The following ACADS variants were observed in gnomAD, a reference collection of about 807,000 sequenced individuals.
ACADS encodes the protein acyl-CoA dehydrogenase short chain.
A neutral mutation model predicts 46.8 loss-of-function variants in ACADS; 28 were observed. The observed-to-expected ratio is 0.60, with a 90% CI of 0.44 to 0.82. The LOEUF is 0.82. ACADS is among the 40% of genes least tolerant of loss of function. The pLI is 0.00. For missense variants in ACADS, 528 were observed against 578.0 expected (o/e 0.91, Z 0.89); for synonymous variants, 236 against 237.7 (o/e 0.99, Z 0.07).
Position 120,727,159 on chromosome 12 carries a change from G to A in ACADS, c.180G>A (p.Val60=). 1 of 1,614,206 alleles carries A rather than the reference G, an allele frequency of 6.2e-7. No individual in the cohort carries two copies. Among genetic ancestry groups the A allele is most frequent in the African/African-American group, 1.3e-5 (1 of 75,058 alleles). ...EKELFPIAAQ[V]DKEHLFPAAQ... is the part of the protein sequence containing the mutation. Reference sequence around the variant, plus strand: ...AGTTGTTTCCCATTGCAGCCCAGGTGGATAAGGAACATCTCTTCCCAGCGG... The same window carrying A: ...AGTTGTTTCCCATTGCAGCCCAGGTAGATAAGGAACATCTCTTCCCAGCGG... Residue 60 remains valine (V), a synonymous_variant, in exon 2 of 10, where the codon GTG becomes GTA. Transcript: ENST00000242592.
chr12:120,737,985 C>T lies in ACADS; in HGVS notation c.621C>T (p.Asn207=). 1 of 1,613,896 alleles carries T rather than the reference C, an allele frequency of 6.2e-7. No individual in the cohort carries two copies. Among genetic ancestry groups the T allele is most frequent in the Non-Finnish European group, 8.5e-7 (1 of 1,180,038 alleles). Residue 207 remains asparagine (N), a synonymous_variant, in exon 5 of 10, where the codon AAC becomes AAT. Coordinates refer to ENST00000242592, the MANE Select transcript of ACADS (RefSeq NM_000017.4). The stretch of plus-strand genomic sequence containing the variant: ...CCAGCACGGACAGAGCCCTGCAAAA[C>T]AAGGTGGGCCCACCCAGAGAGGGGT... ...VFASTDRALQ[N]KGISAFLVPM...
chr12:120,738,017 G>A (rs374777584), intron 5 of ACADS, 29 bp downstream of exon 5: 23 of 1,612,552 alleles, frequency 1.4e-5, no homozygotes, highest in East Asian at 4.5e-5. Flanking sequence ...GGGTTCAGCC[G>A]GATCCTGGGC....
rs571693438 is a variant in ACADS, at chr12:120,726,029, C to G, written c.46+98C>G. 231 of 1,253,874 alleles carry G rather than the reference C, an allele frequency of 1.8e-4. 4 individuals carry two copies. The South Asian group carries it at 3.4e-3, about 18-fold the overall frequency. The allele number at this position is 1,253,874 out of a possible 1,614,324, so 77.7% of individuals were successfully genotyped here. A position where few individuals can be genotyped will look rare whatever the true frequency, so the allele number is the denominator to read the frequency against. ...CGGCTCTGTCAGAGCCGCTGGCAGG[C>G]GGAGCCCCACTCCGGGAGCGCTCAC... On this transcript the variant is annotated intron_variant, in intron 1 of 9. Coordinates refer to ENST00000242592, the MANE Select transcript of ACADS (RefSeq NM_000017.4).
chr12:120,725,966 AGCCCGCGTCTG>A, intron 1 of ACADS, 35 bp downstream of exon 1: 1 of 1,512,182 alleles, frequency 6.6e-7, no homozygotes, highest in Non-Finnish European at 8.8e-7. Context: ...GCGGGGCTTC[AGCCCGCGTCTG>A]GCCCAGCGGG....
In ACADS at chr12:120,725,838, C is replaced by A. The variant is rs758607578; in HGVS notation, c.-48C>A. ...CCCGCCCCCCAGCACTCCGGAACAG[C>A]GCGCTCGCAGCGGGAGGTCGCGAAG... On this transcript the variant is annotated 5_prime_UTR_variant, in exon 1 of 10. Transcript: ENST00000242592. The A allele has an allele frequency of 2.6e-6, 4 of 1,522,288 alleles. No homozygotes were observed. The highest frequency in any genetic ancestry group is 8.8e-7 in the Non-Finnish European group (1 of 1,140,546). 94.3% of individuals were successfully genotyped at this position (1,522,288 alleles called of 1,614,324 possible).
chr12:120,734,972 G>C (rs1250491472), intron 2 of ACADS, among the ~76,000 whole-genome samples: 1 of 150,996 alleles, frequency 6.6e-6, no homozygotes, highest in African/African-American at 2.4e-5. Flanking sequence ...GGCTGGTCTC[G>C]AACTCCTGGC....
chr12:120,732,945 T>C (rs1883307689), intron 2 of ACADS, among the ~76,000 whole-genome samples: 1 of 152,178 alleles, frequency 6.6e-6, no homozygotes, highest in Non-Finnish European at 1.5e-5. Context: ...GAGCACTGAG[T>C]GAACGAGACT....
rs1419266576 is a variant in ACADS at position 120,737,387 on chromosome 12, G to C, written c.392G>C (p.Gly131Ala). Residue 131 changes from glycine (G) to alanine (A), a missense_variant, in exon 4 of 10, where the codon GGC becomes GCC. By Grantham distance (60) the Gly-to-Ala change is moderately conservative. Coordinates refer to ENST00000242592, the MANE Select transcript of ACADS (RefSeq NM_000017.4). ...TACCTGGGGCCCATCTTGAAGTTTG[G>C]CTCCAAGGAGCAGAAGCAGGCGTGG... ...SLYLGPILKF[G>A]SKEQKQAWVT... 2 of 1,614,032 alleles carry C rather than the reference G, an allele frequency of 1.2e-6. 1 individual carries two copies. Among genetic ancestry groups the C allele is most frequent in the Non-Finnish European group, 1.7e-6 (2 of 1,180,040 alleles).
intron 2 of ACADS, among the ~76,000 whole-genome samples, chr12:120,730,286 A>G (rs989949576): frequency 3.3e-5 from 5 of 152,174 alleles, no homozygotes; most frequent in African/African-American, 7.2e-5. Flanking sequence ...CAGCTGGTAG[A>G]TGCTGTAAAA....
chr12:120,738,971 G>A lies in ACADS; in HGVS notation c.1029+56G>A. 4 of 1,607,100 alleles carry A rather than the reference G, an allele frequency of 2.5e-6. No homozygotes were observed. The South Asian group carries it at 4.4e-5, about 18-fold the overall frequency. On this transcript the variant is annotated intron_variant, in intron 8 of 9. Coordinates refer to ENST00000242592, the MANE Select transcript of ACADS (RefSeq NM_000017.4). ...AGAATGTGGTGGGCCCAGGGACGGGGAGAGGTTGGGGCGGGTCTCTGCTCC... is the reference window on the plus strand; with the variant it reads ...AGAATGTGGTGGGCCCAGGGACGGGAAGAGGTTGGGGCGGGTCTCTGCTCC...
intron 2 of ACADS, among the ~76,000 whole-genome samples, chr12:120,732,486 G>T (rs894731191): frequency 1.2e-4 from 18 of 149,384 alleles, no homozygotes; most frequent in Admixed American, 6.0e-4. Flanking sequence ...GCTGCCGGGC[G>T]GAGGGGCTCC....
At chr12:120,726,261 C>A (rs900321331) in intron 1 of ACADS, among the ~76,000 whole-genome samples, 10 of 151,948 alleles carry the variant, frequency 6.6e-5, no homozygotes, top group Non-Finnish European at 1.0e-4. Context: ...TGAACCAGAC[C>A]CGCATCTGTG....
intron 2 of ACADS, among the ~76,000 whole-genome samples, chr12:120,732,693 C>G (rs1883293880): frequency 2.0e-5 from 3 of 151,610 alleles, no homozygotes; most frequent in South Asian, 2.1e-4. Flanking sequence ...TCCTCACTTC[C>G]TAGATGGGAT....
In ACADS at chr12:120,739,987, T is replaced by C; in HGVS notation, c.*539T>C. 1 of 166,010 alleles carries C rather than the reference T, an allele frequency of 6.0e-6. No individual in the cohort carries two copies. Among genetic ancestry groups the C allele is most frequent in the Non-Finnish European group, 1.3e-5 (1 of 76,124 alleles). The allele number at this position is 166,010 out of a possible 1,614,324, so 10.3% of individuals were successfully genotyped here. On this transcript the variant is annotated 3_prime_UTR_variant, in exon 10 of 10. Transcript: ENST00000242592. Reference sequence around the variant, plus strand: ...TTCATGCTGTGTGACTGACTGTGGGTAATAAACACACCTGTCCCCCAGTCT... The same window carrying C: ...TTCATGCTGTGTGACTGACTGTGGGCAATAAACACACCTGTCCCCCAGTCT...
At chr12:120,731,367 C>T (rs1883242265) in intron 2 of ACADS, among the ~76,000 whole-genome samples, 2 of 152,116 alleles carry the variant, frequency 1.3e-5, no homozygotes, top group Admixed American at 6.6e-5. Context: ...TCTCCTGCCT[C>T]AACCTCCTCC....
rs61732144 is a variant in ACADS, at chr12:120,737,094, C to T, written c.319C>T (p.Arg107Cys). The T allele has an allele frequency of 5.0e-4, 802 of 1,597,502 alleles. 9 individuals carry two copies. Among genetic ancestry groups the T allele is most frequent in the Non-Finnish European group, 1.2e-4 (143 of 1,171,854 alleles). ...AYAIAMEEIS[R>C]GCASTGVIMS... ...CGCCATCGCCATGGAGGAGATCAGC[C>T]GTGGCTGCGCCTCCACCGGAGTCAT... The change falls in exon 3 of 10, where the codon CGT becomes TGT. Residue 107 changes from arginine to cysteine, a missense_variant. Arg to Cys is a radical substitution (Grantham distance 180). Coordinates refer to ENST00000242592, the MANE Select transcript of ACADS (RefSeq NM_000017.4).
intron 2 of ACADS, among the ~76,000 whole-genome samples, chr12:120,733,114 C>T (rs1047585771): frequency 7.2e-5 from 11 of 152,238 alleles, no homozygotes; most frequent in Non-Finnish European, 1.0e-4. Context: ...CGCAGGCACT[C>T]GGCAGGCTGA....
chr12:120,736,363 A>T (rs1301475634), intron 2 of ACADS, among the ~76,000 whole-genome samples: 1 of 152,192 alleles, frequency 6.6e-6, no homozygotes, highest in Non-Finnish European at 1.5e-5. Flanking sequence ...TTGGGCATGT[A>T]GCAGTGAGCA....
chr12:120,737,882 A>C lies in ACADS; in HGVS notation c.518A>C (p.Glu173Ala). Residue 173 changes from glutamate to alanine, a missense_variant, in exon 5 of 10, where the codon GAG becomes GCG. By Grantham distance (107) the Glu-to-Ala change is moderately radical (BLOSUM62 -1). Coordinates refer to ENST00000242592, the MANE Select transcript of ACADS (RefSeq NM_000017.4). ...GCTGCGTCCACCACCGCCCGGGCCG[A>C]GGGCGACTCATGGGTTCTGAATGGA... ...AGAASTTARA[E>A]GDSWVLNGTK... 6.2e-7 allele frequency: 1 copy of C among 1,614,032 alleles called. No homozygotes were observed. Among genetic ancestry groups the C allele is most frequent in the Non-Finnish European group, 8.5e-7 (1 of 1,179,968 alleles).
Sources: allele counts gnomAD v4.1 joint callset (sites outside exome capture counted in the v4.1 genomes callset), GRCh38; gene constraint gnomAD v4.1.1; transcripts MANE v1.5; gene names NCBI Gene and HGNC (gene_info 2026-07-23, HGNC 2026-07-21).